Variants in CDH4 observed in about 807,000 individuals in gnomAD.
CDH4 encodes cadherin 4, also known as cadherin-4.
A neutral mutation model predicts 86.0 loss-of-function variants in CDH4; 33 were observed. That is an observed-to-expected ratio of 0.38 (90% CI 0.29 to 0.51). The LOEUF is 0.51. Among genes scored for constraint, CDH4 ranks in the 20% least tolerant of loss-of-function variants. The pLI is 0.86. For missense variants in CDH4, 1,114 were observed against 1,307.4 expected (o/e 0.85, Z 2.28); for synonymous variants, 555 against 549.4 (o/e 1.01, Z -0.14).
chr20:61,521,585 A>C (rs1477697843), intron 2 of CDH4, among the ~76,000 whole-genome samples: 1 of 152,204 alleles, frequency 6.6e-6, no homozygotes, highest in Non-Finnish European at 1.5e-5. Context: ...GGAGAGGCTG[A>C]TGTGCAGAAA....
chr20:61,509,896 T>C lies in CDH4; in HGVS notation c.170-233667T>C, dbSNP rs550238724. Among the ~76,000 whole-genome samples the C allele has an allele frequency of 3.3e-5, 5 of 151,996 alleles. No individual in the cohort carries two copies. In the South Asian group the frequency reaches 1.0e-3, roughly 32 times the overall value. On this transcript the variant is annotated intron_variant, in intron 2 of 15. Transcript: ENST00000614565. ...ATGCAGCTGGCATCTCAGGATGTAA[T>C]GGAGCAGAGCCTCATATTTTAGGGG...
At chr20:61,674,512 G>A (rs1870940791) in intron 2 of CDH4, among the ~76,000 whole-genome samples, 1 of 152,196 alleles carries the variant, frequency 6.6e-6, no homozygotes, top group African/African-American at 2.4e-5. Flanking sequence ...TGGGCCCAGT[G>A]CTCAGCAGGG....
chr20:61,820,587 G>A (rs752064603), intron 4 of CDH4, among the ~76,000 whole-genome samples: 9 of 152,248 alleles, frequency 5.9e-5, no homozygotes, highest in East Asian at 1.9e-4. Context: ...GAGCTGAGGC[G>A]GAGGGGGCAG....
chr20:61,794,834 G>A (rs577115878), intron 4 of CDH4, among the ~76,000 whole-genome samples: 147 of 152,294 alleles, frequency 9.7e-4, no homozygotes, highest in Non-Finnish European at 1.5e-3. Context: ...CATTGCTCCA[G>A]GCACTGTGGG....
intron 2 of CDH4, among the ~76,000 whole-genome samples, chr20:61,498,187 C>T (rs2085676192): frequency 6.6e-6 from 1 of 151,762 alleles, no homozygotes; most frequent in South Asian, 2.1e-4. Flanking sequence ...GCTCATGTAC[C>T]CTAGAACTTA....
chr20:61,911,599 T>A (rs2054851785), intron 9 of CDH4, among the ~76,000 whole-genome samples: 1 of 151,846 alleles, frequency 6.6e-6, no homozygotes, highest in African/African-American at 2.4e-5. Context: ...TGCCGAAGCG[T>A]AAGGAAAAGC....
At position 61,559,429 on chromosome 20, in the gene CDH4, C is replaced by T. The variant is rs575118336; in HGVS notation, c.170-184134C>T. Among the ~76,000 whole-genome samples the T allele has an allele frequency of 1.0e-3, 153 of 151,974 alleles. 1 individual carries two copies. The highest frequency in any genetic ancestry group is 3.1e-3 in the South Asian group (15 of 4,804). On this transcript the variant is annotated intron_variant, in intron 2 of 15. Coordinates refer to ENST00000614565, the MANE Select transcript of CDH4 (RefSeq NM_001794.5). ...TCCGGGAGCCACCTGCAAGAGACGGCGCGCTGTCGGGAGGAAGGCGGTTTC... is the reference window on the plus strand; with the variant it reads ...TCCGGGAGCCACCTGCAAGAGACGGTGCGCTGTCGGGAGGAAGGCGGTTTC...
At chr20:61,281,563 A>G (rs1467227921) in intron 2 of CDH4, among the ~76,000 whole-genome samples, 1 of 152,218 alleles carries the variant, frequency 6.6e-6, no homozygotes, top group African/African-American at 2.4e-5. Flanking sequence ...ACTGACACCA[A>G]GTGCTCCTGG....
rs557830455 is a variant in CDH4, at chr20:61,418,515, T to A, written c.169+163578T>A. ...CTTGAGCCACCGCGCCTGGCCAAAC[T>A]TTTTTGACTAAGTGAGGTTATTGTG... On this transcript the variant is annotated intron_variant, in intron 2 of 15. Coordinates refer to ENST00000614565, the MANE Select transcript of CDH4 (RefSeq NM_001794.5). Among the ~76,000 whole-genome samples the A allele has an allele frequency of 8.5e-5, 13 of 152,242 alleles. 1 individual carries two copies. The South Asian group carries it at 2.7e-3, about 32-fold the overall frequency.
chr20:61,692,456 AG>A (rs1364814534), intron 2 of CDH4, among the ~76,000 whole-genome samples: 2 of 151,720 alleles, frequency 1.3e-5, no homozygotes, highest in Non-Finnish European at 3.0e-5. Context: ...TGTTTGAAAT[AG>A]ATAGACTGAC....
chr20:61,899,929 A>G (rs901568440), intron 8 of CDH4, among the ~76,000 whole-genome samples: 5 of 152,162 alleles, frequency 3.3e-5, no homozygotes, highest in Non-Finnish European at 5.9e-5. Flanking sequence ...GTGTCAGCTG[A>G]ACTTAGGAGC....
intron 2 of CDH4, among the ~76,000 whole-genome samples, chr20:61,435,262 G>C (rs2085274324): frequency 6.6e-6 from 1 of 152,302 alleles, no homozygotes; most frequent in South Asian, 2.1e-4. Flanking sequence ...GCCATTACTG[G>C]GACCATTTTA....
At chr20:61,502,261 C>T (rs1183922062) in intron 2 of CDH4, among the ~76,000 whole-genome samples, 1 of 152,202 alleles carries the variant, frequency 6.6e-6, no homozygotes, top group African/African-American at 2.4e-5. Context: ...AAAACCTGCT[C>T]CTGCTGTAAG....
At chr20:61,844,879 C>G in intron 5 of CDH4, 56 bp downstream of exon 5, 1 of 1,549,176 alleles carries the variant, frequency 6.5e-7, no homozygotes, top group Non-Finnish European at 8.8e-7. Context: ...CCCAGCCCTA[C>G]CAGGCCTTGG....
At chr20:61,491,934 G>GTTAGTT (rs980893172) in intron 2 of CDH4, among the ~76,000 whole-genome samples, 10 of 152,092 alleles carry the variant, frequency 6.6e-5, no homozygotes, top group African/African-American at 2.4e-4. Context: ...TGCTGATACT[G>GTTAGTT]TTAGTGGTGC....
chr20:61,602,537 A>G (rs1313818783), intron 2 of CDH4, among the ~76,000 whole-genome samples: 1 of 151,864 alleles, frequency 6.6e-6, no homozygotes, highest in Non-Finnish European at 1.5e-5. Context: ...CACAGCCTAC[A>G]CTTCTGAATT....
intron 7 of CDH4, among the ~76,000 whole-genome samples, chr20:61,893,528 T>C (rs1220037842): frequency 3.1e-5 from 4 of 129,192 alleles, no homozygotes; most frequent in African/African-American, 1.2e-4. Flanking sequence ...GGTGGGCGAA[T>C]AGAGAGATGG....
rs1322597160 is a variant in CDH4 at position 61,709,496 on chromosome 20, G to A, written c.170-34067G>A. Reference sequence around the variant, plus strand: ...TCACCATGTTGGCCAGGCTGGTCTCGAACCCCTGGCCTCAAGTCATCCGAC... The same window carrying A: ...TCACCATGTTGGCCAGGCTGGTCTCAAACCCCTGGCCTCAAGTCATCCGAC... On this transcript the variant is annotated intron_variant, in intron 2 of 15. Transcript: ENST00000614565. This position sits in a 1 kb window ranked among gnomAD's most constrained non-coding sequence, Gnocchi z 4.8. Among the ~76,000 whole-genome samples, 2 of 151,912 alleles carry A rather than the reference G, an allele frequency of 1.3e-5. No individual in the cohort carries two copies. Among genetic ancestry groups the A allele is most frequent in the South Asian group, 2.1e-4 (1 of 4,818 alleles).
At chr20:61,550,001 A>G (rs748868047) in intron 2 of CDH4, among the ~76,000 whole-genome samples, 2 of 151,616 alleles carry the variant, frequency 1.3e-5, no homozygotes, top group Non-Finnish European at 1.5e-5. Flanking sequence ...CCTCCCCGGG[A>G]CTCACTGCAG....
Sources: gnomAD v4.1 joint callset for allele counts (sites outside exome capture counted in the v4.1 genomes callset) on GRCh38, gnomAD v4.1.1 for gene constraint, Gnocchi (gnomAD v3.1) non-coding constraint, MANE v1.5 for transcripts, NCBI Gene and HGNC (gene_info 2026-07-23, HGNC 2026-07-21) for gene names.